Variants in GLDC observed in about 807,000 individuals in gnomAD.
GLDC encodes the protein glycine dehydrogenase (decarboxylating), mitochondrial.
GLDC carries 104 observed loss-of-function variants against 121.3 expected under a neutral mutation model. That is an observed-to-expected ratio of 0.86 (90% confidence interval 0.73 to 1.01). GLDC has a LOEUF of 1.01. Ranked by LOEUF, GLDC falls within the 50% of genes least tolerant of loss-of-function variation. The probability of loss-of-function intolerance (pLI) is 0.00; values close to 1 mark genes in which losing one functional copy is unlikely to be tolerated. For synonymous variants in GLDC, 546 were observed against 480.6 expected (o/e 1.14, Z -1.78); for missense variants, 1,429 against 1,306.6 (o/e 1.09, Z -1.44).
At chr9:6,540,266 A>G in intron 21 of GLDC, 120 bp from the exon 22 acceptor site, 1 of 738,492 alleles carries the variant, frequency 1.4e-6, no homozygotes, top group Non-Finnish European at 2.5e-6. Context: ...GCGAGGACCA[A>G]GAAGCCATGG....
chr9:6,552,122 G>A (rs1429136951), intron 20 of GLDC, among the ~76,000 whole-genome samples: 2 of 152,192 alleles, frequency 1.3e-5, no homozygotes, highest in Admixed American at 6.5e-5. Flanking sequence ...GTGCGCCTGT[G>A]GAATTGCAGC....
At chr9:6,539,985 A>G (rs1002713881) in intron 22 of GLDC, 66 bp downstream of exon 22, 1 of 1,020,296 alleles carries the variant, frequency 9.8e-7, no homozygotes, top group East Asian at 2.4e-5. Context: ...TGCATTTTCC[A>G]TTTGTGCTTT....
At chr9:6,557,371 G>A (rs1022271541) in intron 17 of GLDC, among the ~76,000 whole-genome samples, 3 of 152,254 alleles carry the variant, frequency 2.0e-5, no homozygotes, top group Admixed American at 2.0e-4. Context: ...TGAGGCGGGC[G>A]GATCATGAGG....
At chr9:6,619,895 A>C (rs1013758330) in intron 3 of GLDC, among the ~76,000 whole-genome samples, 1 of 152,246 alleles carries the variant, frequency 6.6e-6, no homozygotes, top group African/African-American at 2.4e-5. Context: ...ATCTTACTCA[A>C]ATACAGCACA....
intron 2 of GLDC, chr9:6,639,074 A>G: frequency 1.5e-6 from 1 of 667,294 alleles, no homozygotes; most frequent in East Asian, 2.6e-5. Context: ...TTTAACAATT[A>G]GGCAACAAGG....
chr9:6,587,314 TAC>T, intron 14 of GLDC, 31 bp from the exon 15 acceptor site: 1 of 1,521,996 alleles, frequency 6.6e-7, no homozygotes, highest in Non-Finnish European at 9.1e-7. Flanking sequence ...AATGCATATA[TAC>T]ATATTATAAT....
At chr9:6,605,068 T>G (rs548363402) in intron 6 of GLDC, 63 bp downstream of exon 6, 3 of 1,395,830 alleles carry the variant, frequency 2.1e-6, no homozygotes, top group East Asian at 2.3e-5. Flanking sequence ...GAGAGAGAGA[T>G]AGGTAGACAG....
At chr9:6,599,735 C>A (rs113037912) in intron 8 of GLDC, among the ~76,000 whole-genome samples, 8,365 of 135,004 alleles carry the variant, frequency 0.062, 718 homozygotes, top group African/African-American at 0.18. Flanking sequence ...AAAAAAAAAA[C>A]AACCAAAAAA....
chr9:6,628,944 A>G (rs1310935922), intron 2 of GLDC, among the ~76,000 whole-genome samples: 43 of 152,236 alleles, frequency 2.8e-4, no homozygotes, highest in Admixed American at 2.4e-3. Context: ...AGAGCATTGC[A>G]TAATCTCCTG....
chr9:6,592,728 T>G (rs564771390), intron 10 of GLDC, 123 bp downstream of exon 10: 2 of 876,820 alleles, frequency 2.3e-6, no homozygotes, highest in South Asian at 3.2e-5. Context: ...CACTTGTTTA[T>G]GAAAAAATAG....
intron 15 of GLDC, chr9:6,567,568 C>T (rs1466197602): frequency 6.6e-6 from 1 of 152,234 alleles, no homozygotes; most frequent in Non-Finnish European, 1.5e-5. Flanking sequence ...CAATCCAGCT[C>T]TGTCACTTCC....
intron 13 of GLDC, 61 bp downstream of exon 13, chr9:6,588,557 G>T: frequency 6.8e-7 from 1 of 1,464,178 alleles, no homozygotes; most frequent in Non-Finnish European, 9.6e-7. Flanking sequence ...ATATTAGGTA[G>T]GACCAAGAGA....
chr9:6,619,370 T>C (rs1056882803), intron 3 of GLDC, among the ~76,000 whole-genome samples: 3 of 150,510 alleles, frequency 2.0e-5, no homozygotes, highest in African/African-American at 7.5e-5. Flanking sequence ...TGTCAGTCAG[T>C]TGTGAATCAA....
At chr9:6,581,046 T>C (rs1477349012) in intron 15 of GLDC, among the ~76,000 whole-genome samples, 1 of 152,164 alleles carries the variant, frequency 6.6e-6, no homozygotes, top group African/African-American at 2.4e-5. Flanking sequence ...CCTGAGGGTG[T>C]TCTCTGCCAG....
At chr9:6,570,311 T>C (rs551689639) in intron 15 of GLDC, among the ~76,000 whole-genome samples, 2 of 152,260 alleles carry the variant, frequency 1.3e-5, no homozygotes, top group African/African-American at 4.8e-5. Context: ...CTGTGGATTC[T>C]AAAGTTTTAA....
chr9:6,551,305 G>C lies in GLDC; in HGVS notation c.2458-391C>G, dbSNP rs77277010. On this transcript the variant is annotated intron_variant, in intron 20 of 24. Coordinates refer to ENST00000321612, the MANE Select transcript of GLDC (RefSeq NM_000170.3). ...ATTGCCAGGAATCCGATGGGATCTG[G>C]GCCAATATCTCCACGGAAGCAATTT... Among the ~76,000 whole-genome samples, 525 of 152,130 alleles carry C rather than the reference G, an allele frequency of 3.5e-3. 2 individuals carry two copies. Among genetic ancestry groups the C allele is most frequent in the Admixed American group, 5.0e-3 (76 of 15,262 alleles).
intron 3 of GLDC, among the ~76,000 whole-genome samples, chr9:6,611,427 G>C (rs567245106): frequency 6.6e-6 from 1 of 152,106 alleles, no homozygotes; most frequent in Admixed American, 6.6e-5. Context: ...GTGGTGGCAC[G>C]TGCCTGTAGT....
chr9:6,535,835 A>C lies in GLDC; in HGVS notation c.2838+229T>G. The C allele has an allele frequency of 5.4e-6, 3 of 559,308 alleles. No individual in the cohort carries two copies. In the South Asian group the frequency reaches 6.2e-5, roughly 11 times the overall value. 34.6% of individuals were successfully genotyped at this position (559,308 alleles called of 1,614,324 possible). A position where few individuals can be genotyped will look rare whatever the true frequency, so the allele number is the denominator to read the frequency against. On this transcript the variant is annotated intron_variant, in intron 23 of 24. Coordinates refer to ENST00000321612, the MANE Select transcript of GLDC (RefSeq NM_000170.3). ...AGATGCAGAATGTTACAAATTCTCC[A>C]ACTAGACAGCTGTGGACAGCTTCCA... is the stretch of plus-strand genomic sequence containing the variant.
intron 2 of GLDC, among the ~76,000 whole-genome samples, chr9:6,635,670 T>G (rs1057456964): frequency 6.6e-6 from 1 of 151,996 alleles, no homozygotes; most frequent in African/African-American, 2.4e-5. Flanking sequence ...CCCAGAAGCT[T>G]GAGACCAGCC....
Sources: allele counts gnomAD v4.1 joint callset (sites outside exome capture counted in the v4.1 genomes callset), GRCh38; gene constraint gnomAD v4.1.1; transcripts MANE v1.5; gene names NCBI Gene and HGNC (gene_info 2026-07-23, HGNC 2026-07-21).